Variants in SCAI observed in about 807,000 individuals in gnomAD.
The protein encoded by SCAI is protein SCAI.
SCAI carries 24 observed loss-of-function variants against 92.2 expected under a neutral mutation model. The observed-to-expected ratio is 0.26, with a 90% CI of 0.19 to 0.37. The LOEUF is 0.37. Among genes scored for constraint, SCAI ranks in the 10% least tolerant of loss-of-function variants. The probability of loss-of-function intolerance (pLI) is 1.00; values close to 1 mark genes in which losing one functional copy is unlikely to be tolerated. For synonymous variants in SCAI, 261 were observed against 258.6 expected (o/e 1.01, Z -0.09); for missense variants, 450 against 736.2 (o/e 0.61, Z 4.50).
intron 2 of SCAI, among the ~76,000 whole-genome samples, chr9:125,078,357 T>G (rs112154428): frequency 0.023 from 3,513 of 151,302 alleles, 143 homozygotes; most frequent in African/African-American, 0.082. Context: ...TGAAACCACA[T>G]CTCTACCAAA....
chr9:125,094,618 CAGCTCCCCAAGT>C (rs1453698668), intron 2 of SCAI, among the ~76,000 whole-genome samples: 1 of 152,166 alleles, frequency 6.6e-6, no homozygotes, highest in Non-Finnish European at 1.5e-5. Flanking sequence ...CCTTCCGCCT[CAGCTCCCCAAGT>C]AGCTGGGACT....
chr9:125,127,978 A>G (rs1280269212), intron 2 of SCAI, among the ~76,000 whole-genome samples: 1 of 151,864 alleles, frequency 6.6e-6, no homozygotes, highest in Non-Finnish European at 1.5e-5. Context: ...ACTGCACTCC[A>G]GCCTGGCCAA....
rs530735956 is a variant in SCAI at position 125,045,120 on chromosome 9, G to C, written c.230+10756C>G. Among the ~76,000 whole-genome samples, 92 of 152,272 alleles carry C rather than the reference G, an allele frequency of 6.0e-4. 1 individual carries two copies. Among genetic ancestry groups the C allele is most frequent in the Non-Finnish European group, 9.1e-4 (62 of 68,000 alleles). On this transcript the variant is annotated intron_variant, in intron 3 of 17. Transcript: ENST00000336505. ...TGAGTAGCGGGAACAAGCCCAGTGA[G>C]CCCAAGCAAAACTCGGGCAAAGGTG...
intron 17 of SCAI, among the ~76,000 whole-genome samples, chr9:124,960,812 A>G (rs1197224668): frequency 6.6e-6 from 1 of 152,214 alleles, no homozygotes; most frequent in African/African-American, 2.4e-5. Context: ...CACTGTATGT[A>G]AACTTTACAT....
intron 9 of SCAI, among the ~76,000 whole-genome samples, chr9:125,011,501 C>T (rs1177688432): frequency 6.6e-6 from 1 of 152,100 alleles, no homozygotes; most frequent in African/African-American, 2.4e-5. Context: ...TAAAAAGAAA[C>T]AAACAAAGCC....
At chr9:125,047,268 T>A (rs1833463567) in intron 3 of SCAI, among the ~76,000 whole-genome samples, 1 of 152,154 alleles carries the variant, frequency 6.6e-6, no homozygotes, top group Non-Finnish European at 1.5e-5. Context: ...CACAAATGCA[T>A]GCAAAGATGA....
At chr9:125,013,308 G>A (rs1417420404) in intron 9 of SCAI, among the ~76,000 whole-genome samples, 3 of 152,102 alleles carry the variant, frequency 2.0e-5, no homozygotes, top group Non-Finnish European at 4.4e-5. Context: ...AGAAAAGAGA[G>A]AAGAATCAAA....
chr9:125,142,337 A>C, intron 2 of SCAI: 1 of 232,254 alleles, frequency 4.3e-6, no homozygotes. Flanking sequence ...AGAAAATGAA[A>C]TTATGGCTAA....
At chr9:125,071,456 C>T (rs1235333092) in intron 2 of SCAI, among the ~76,000 whole-genome samples, 2 of 152,094 alleles carry the variant, frequency 1.3e-5, no homozygotes, top group Non-Finnish European at 2.9e-5. Flanking sequence ...AGGTACCAAA[C>T]TTCTTGTTGA....
chr9:125,135,278 A>C (rs1835497493), intron 2 of SCAI, among the ~76,000 whole-genome samples: 1 of 152,244 alleles, frequency 6.6e-6, no homozygotes, highest in Non-Finnish European at 1.5e-5. Context: ...TCTGCACTAG[A>C]AATGTTCTCA....
chr9:125,106,026 A>G (rs1302368611), intron 2 of SCAI, among the ~76,000 whole-genome samples: 1 of 142,440 alleles, frequency 7.0e-6, no homozygotes, highest in Admixed American at 7.2e-5. Flanking sequence ...GAACCCAGCA[A>G]GCGGAGGTTG....
chr9:125,033,983 T>C (rs1588166163), intron 3 of SCAI, among the ~76,000 whole-genome samples: 2 of 152,114 alleles, frequency 1.3e-5, no homozygotes, highest in African/African-American at 4.8e-5. Flanking sequence ...TGGCGGGAAA[T>C]AGACGACACA....
At chr9:124,993,327 G>A (rs1832173226) in intron 14 of SCAI, among the ~76,000 whole-genome samples, 1 of 152,208 alleles carries the variant, frequency 6.6e-6, no homozygotes, top group Non-Finnish European at 1.5e-5. Flanking sequence ...GGTGGAACAC[G>A]CCTGTAATCC....
In SCAI at chr9:125,137,761, C is replaced by T. The variant is rs183877844; in HGVS notation, c.98+4872G>A. Among the ~76,000 whole-genome samples, 7 of 152,110 alleles carry T rather than the reference C, an allele frequency of 4.6e-5. No individual in the cohort carries two copies. The East Asian group carries it at 5.8e-4, about 13-fold the overall frequency. On this transcript the variant is annotated intron_variant, in intron 2 of 17. Coordinates refer to ENST00000336505, the MANE Select transcript of SCAI (RefSeq NM_001144877.3). ...GATTACAGGCACGCGCCACCATGCCCGGCTAATTTTTTGTATTTTTAGTAG... is the reference window on the plus strand; with the variant it reads ...GATTACAGGCACGCGCCACCATGCCTGGCTAATTTTTTGTATTTTTAGTAG...
At chr9:125,027,067 C>A (rs1229613527) in intron 5 of SCAI, among the ~76,000 whole-genome samples, 157 bp from the exon 6 acceptor site, 1 of 152,114 alleles carries the variant, frequency 6.6e-6, no homozygotes, top group Non-Finnish European at 1.5e-5. Flanking sequence ...AATCATATCA[C>A]CCTTAAAATG....
intron 14 of SCAI, among the ~76,000 whole-genome samples, chr9:124,992,300 T>C (rs1832144317): frequency 6.6e-6 from 1 of 152,064 alleles, no homozygotes; most frequent in Non-Finnish European, 1.5e-5. Context: ...TTAAATGTAG[T>C]AAGTAATATT....
chr9:125,033,257 GAGT>G (rs1833120886), intron 3 of SCAI, among the ~76,000 whole-genome samples: 1 of 152,040 alleles, frequency 6.6e-6, no homozygotes, highest in African/African-American at 2.4e-5. Flanking sequence ...TGGAAGGCTT[GAGT>G]AGCCAGGAAA....
chr9:125,004,789 T>C (rs1400315597), intron 9 of SCAI, among the ~76,000 whole-genome samples: 1 of 76,822 alleles, frequency 1.3e-5, no homozygotes, highest in Admixed American at 1.4e-4. Flanking sequence ...ATTTTTTTTT[T>C]TTTTTTTTTT....
intron 14 of SCAI, among the ~76,000 whole-genome samples, chr9:124,989,057 T>A (rs1011776360): frequency 3.3e-5 from 5 of 152,144 alleles, no homozygotes; most frequent in African/African-American, 1.2e-4. Flanking sequence ...GAGAATCTCC[T>A]GAACCTGGGT....
Sources: allele counts gnomAD v4.1 joint callset (sites outside exome capture counted in the v4.1 genomes callset), GRCh38; gene constraint gnomAD v4.1.1; transcripts MANE v1.5; gene names NCBI Gene and HGNC (gene_info 2026-07-23, HGNC 2026-07-21).